Variants in H6PD observed in about 807,000 individuals in gnomAD.
H6PD encodes GDH/6PGL endoplasmic bifunctional protein.
In H6PD, 48 loss-of-function variants were observed where a neutral mutation model predicts 61.2. The ratio of observed to expected loss-of-function variants is 0.78; its 90% CI spans 0.62 to 1.00. The LOEUF is 1.00. H6PD is among the 50% of genes least tolerant of loss of function. H6PD has a pLI of 0.00. For missense variants in H6PD, 1,093 were observed against 1,065.0 expected, an observed-to-expected ratio of 1.03 and a Z score of -0.37; for synonymous variants, 480 against 457.9, an observed-to-expected ratio of 1.05 and a Z score of -0.62.
intron 4 of H6PD, 51 bp from the exon 5 acceptor site, chr1:9,263,458 A>G (rs751190442): frequency 6.3e-7 from 1 of 1,582,594 alleles, no homozygotes. Context: ...GGCTGGCCGG[A>G]GAGTCCTGGT....
At chr1:9,259,939 CTGG>C (rs1337945672) in intron 3 of H6PD, among the ~76,000 whole-genome samples, 12 of 150,624 alleles carry the variant, frequency 8.0e-5, no homozygotes, top group East Asian at 2.0e-4. Flanking sequence ...TGTTGTTATG[CTGG>C]TGGTGTTATG....
chr1:9,263,541 G>GA lies in H6PD; in HGVS notation c.1049dup (p.Val352ArgfsTer145), dbSNP rs1638410399. ...AGTGCACATTGACAACCTTCGCTGGGAGGGCGTGCCTTTCATCCTGATGTC... is the reference window on the plus strand; with the variant it reads ...AGTGCACATTGACAACCTTCGCTGGGAAGGGCGTGCCTTTCATCCTGATGTC... On this transcript the variant is annotated frameshift_variant, in exon 5 of 5. Coordinates refer to ENST00000377403, the MANE Select transcript of H6PD (RefSeq NM_004285.4). LOFTEE classifies it low-confidence loss of function (END_TRUNC). 3.1e-6 allele frequency: 5 copies of GA among 1,614,222 alleles called. No individual in the cohort carries two copies. In the East Asian group the frequency reaches 1.1e-4, roughly 36 times the overall value.
chr1:9,253,962 G>A (rs529613514), intron 3 of H6PD, among the ~76,000 whole-genome samples: 60 of 152,324 alleles, frequency 3.9e-4, no homozygotes, highest in African/African-American at 1.4e-3. Context: ...CAGGCCCACA[G>A]AAGCCCTGTA....
Position 9,240,087 on chromosome 1 carries a change from A to C in H6PD, c.-10-4838A>C, listed in dbSNP as rs759226521. 3.5e-5 allele frequency: 36 copies of C among 1,033,190 alleles called. No individual in the cohort carries two copies. In the East Asian group the frequency reaches 1.1e-3, roughly 32 times the overall value. The allele number at this position is 1,033,190 out of a possible 1,614,324, so 64.0% of individuals were successfully genotyped here. ...GAGTTGGAGACAGTGAAGGGTGCCC[A>C]GGACTGGGTTCACGTGCCTGCAGTC... On this transcript the variant is annotated intron_variant, in intron 1 of 4. Transcript: ENST00000377403.
At chr1:9,236,507 A>C (rs1252160086) in intron 1 of H6PD, among the ~76,000 whole-genome samples, 1 of 152,082 alleles carries the variant, frequency 6.6e-6, no homozygotes, top group Admixed American at 6.5e-5. Context: ...AAATACAAAA[A>C]TTTGCTGGGC....
At chr1:9,236,776 G>A (rs1311386880) in intron 1 of H6PD, among the ~76,000 whole-genome samples, 3 of 151,844 alleles carry the variant, frequency 2.0e-5, no homozygotes, top group Non-Finnish European at 1.5e-5. Flanking sequence ...TTCCCATTCT[G>A]TGGTTGAGGT....
At chr1:9,256,804 C>G (rs965587278) in intron 3 of H6PD, among the ~76,000 whole-genome samples, 1 of 152,180 alleles carries the variant, frequency 6.6e-6, no homozygotes, top group Admixed American at 6.5e-5. Context: ...CTGCGTGTCC[C>G]TCCCCACGTT....
At chr1:9,253,217 C>T (rs996941925) in intron 3 of H6PD, among the ~76,000 whole-genome samples, 3 of 152,204 alleles carry the variant, frequency 2.0e-5, no homozygotes, top group African/African-American at 7.2e-5. Context: ...GTGTTAAACA[C>T]AGGCGCACCC....
rs751908514 is a variant in H6PD at position 9,245,465 on chromosome 1, C to T, written c.531C>T (p.Gly177=). The change falls in exon 2 of 5, where the codon GGC becomes GGT. Residue 177 remains glycine (G), a synonymous_variant. Transcript: ENST00000377403. This position sits in a 1 kb window ranked among gnomAD's most constrained non-coding sequence, Gnocchi z 4.8. ...WLRVVLEKPF[G]HDHFSAQQLA... ...GGGTTGTCCTTGAGAAACCCTTTGG[C>T]CATGACCACTTCTCAGCCCAGCAGC... 3 of 1,614,118 alleles carry T rather than the reference C, an allele frequency of 1.9e-6. No individual in the cohort carries two copies. Among genetic ancestry groups the T allele is most frequent in the Non-Finnish European group, 2.5e-6 (3 of 1,179,980 alleles).
intron 1 of H6PD, among the ~76,000 whole-genome samples, chr1:9,243,720 A>C (rs1333398252): frequency 2.0e-5 from 3 of 152,114 alleles, no homozygotes; most frequent in Non-Finnish European, 4.4e-5. Context: ...TGAGTGCCTC[A>C]GTTTAGGCTG....
Position 9,269,620 on chromosome 1 carries a change from C to T in H6PD, c.*4751C>T, listed in dbSNP as rs574653756. The T allele has an allele frequency of 2.6e-5, 4 of 152,400 alleles. No homozygotes were observed. Among genetic ancestry groups the T allele is most frequent in the African/African-American group, 7.2e-5 (3 of 41,570 alleles). 9.4% of individuals were successfully genotyped at this position (152,400 alleles called of 1,614,324 possible). A position where few individuals can be genotyped will look rare whatever the true frequency, so the allele number is the denominator to read the frequency against. On this transcript the variant is annotated 3_prime_UTR_variant, in exon 5 of 5. Coordinates refer to ENST00000377403, the MANE Select transcript of H6PD (RefSeq NM_004285.4). The surrounding 1 kb of genome is among the most constrained non-coding windows in gnomAD (Gnocchi z 4.3). The stretch of plus-strand genomic sequence containing the variant: ...AGTCCAGTGTCCATCTGCATTTGCT[C>T]ATGCAGAGGGGGTGAGTTGGGCACT...
At chr1:9,260,289 T>C (rs556771371) in intron 3 of H6PD, among the ~76,000 whole-genome samples, 12 of 152,294 alleles carry the variant, frequency 7.9e-5, no homozygotes, top group Admixed American at 2.6e-4. Flanking sequence ...AGTGCTGTTA[T>C]GTTGCTGTTG....
Position 9,264,455 on chromosome 1 carries a change from GCCTGTGCA to G in H6PD, c.1967_1974del (p.Val656AlafsTer74). 6.2e-7 allele frequency: 1 copy of G among 1,613,304 alleles called. No homozygotes were observed. Among genetic ancestry groups the G allele is most frequent in the Non-Finnish European group, 8.5e-7 (1 of 1,179,980 alleles). Reference sequence around the variant, plus strand: ...TCCCCTACTACAACATCCACCCCATGCCTGTGCACCTGCAGCAGCGGCTCTGCGCCGAG... The same window carrying G: ...TCCCCTACTACAACATCCACCCCATGCCTGCAGCAGCGGCTCTGCGCCGAG... On this transcript the variant is annotated frameshift_variant, in exon 5 of 5. Coordinates refer to ENST00000377403, the MANE Select transcript of H6PD (RefSeq NM_004285.4). LOFTEE classifies it high-confidence loss of function.
chr1:9,259,574 T>C (rs1312003933), intron 3 of H6PD, among the ~76,000 whole-genome samples: 2 of 152,192 alleles, frequency 1.3e-5, no homozygotes, highest in East Asian at 3.8e-4. Flanking sequence ...ATTCCAGTGT[T>C]GTTACATTGT....
At chr1:9,251,481 AGGAG>A (rs1641361570) in intron 3 of H6PD, among the ~76,000 whole-genome samples, 1 of 151,946 alleles carries the variant, frequency 6.6e-6, no homozygotes, top group Non-Finnish European at 1.5e-5. Flanking sequence ...GTTAGAAAGA[AGGAG>A]GGAGACTTCC....
At chr1:9,263,459 G>C (rs748229239) in intron 4 of H6PD, 50 bp from the exon 5 acceptor site, 1 of 1,585,770 alleles carries the variant, frequency 6.3e-7, no homozygotes, top group Non-Finnish European at 8.7e-7. Context: ...GCTGGCCGGA[G>C]AGTCCTGGTC....
At chr1:9,237,676 G>A (rs995371692) in intron 1 of H6PD, among the ~76,000 whole-genome samples, 2 of 152,138 alleles carry the variant, frequency 1.3e-5, no homozygotes, top group African/African-American at 4.8e-5. Context: ...TTGGCATATA[G>A]TTAAATACTC....
intron 4 of H6PD, among the ~76,000 whole-genome samples, chr1:9,263,265 C>T (rs557070863): frequency 6.6e-6 from 1 of 152,240 alleles, no homozygotes; most frequent in African/African-American, 2.4e-5. Context: ...GACCATAACT[C>T]TAAGAGGGGC....
chr1:9,252,531 G>A (rs888954663), intron 3 of H6PD, among the ~76,000 whole-genome samples: 15 of 151,872 alleles, frequency 9.9e-5, no homozygotes, highest in African/African-American at 3.4e-4. Context: ...CCACCTCCCC[G>A]GCTTCTATCT....
Sources: gnomAD v4.1 joint callset for allele counts (sites outside exome capture counted in the v4.1 genomes callset) on GRCh38, gnomAD v4.1.1 for gene constraint, Gnocchi (gnomAD v3.1) non-coding constraint, MANE v1.5 for transcripts, NCBI Gene and HGNC (gene_info 2026-07-23, HGNC 2026-07-21) for gene names.